RBFOX3: variants seen among roughly 807,000 people sequenced by gnomAD.
RBFOX3 encodes RNA binding fox-1 homolog 3.
Under a neutral mutation model 48.7 loss-of-function variants are expected in RBFOX3, and 17 were observed. The observed-to-expected ratio is 0.35, with a 90% CI of 0.24 to 0.52. RBFOX3 has a LOEUF of 0.52. Among genes scored for constraint, RBFOX3 ranks in the 20% least tolerant of loss-of-function variants. The pLI is 0.94. For missense variants in RBFOX3, 382 were observed against 497.5 expected, an observed-to-expected ratio of 0.77 and a Z score of 2.21; for synonymous variants, 212 against 209.5, an observed-to-expected ratio of 1.01 and a Z score of -0.10.
At chr17:79,555,307 GTAGTT>G (rs2091546950) in intron 1 of RBFOX3, among the ~76,000 whole-genome samples, 3 of 33,188 alleles carry the variant, frequency 9.0e-5, no homozygotes, top group Non-Finnish European at 6.8e-5. Context: ...GGTGATGATG[GTAGTT>G]GTGGTGGTGG....
In RBFOX3 at chr17:79,591,473, T is replaced by G. The variant is rs992960425; in HGVS notation, c.-320+19353A>C. 1.2e-3 allele frequency among the ~76,000 whole-genome samples: 181 copies of G among 152,292 alleles called. 3 individuals carry two copies. In the South Asian group the frequency reaches 0.019, roughly 16 times the overall value. On this transcript the variant is annotated intron_variant, in intron 1 of 14. Coordinates refer to ENST00000693108, the MANE Select transcript of RBFOX3 (RefSeq NM_001350451.2). The stretch of plus-strand genomic sequence containing the variant: ...CACCAGACTCCTTGGTACACATTTA[T>G]TGGGCACCTACTGTGTTCCAGGCAC...
chr17:79,513,671 T>A lies in RBFOX3; in HGVS notation c.-319-31073A>T, dbSNP rs1050267818. Among the ~76,000 whole-genome samples, 1,037 of 152,224 alleles carry A rather than the reference T, an allele frequency of 6.8e-3. 3 individuals are homozygous for A. The highest frequency in any genetic ancestry group is 8.9e-3 in the Non-Finnish European group (608 of 68,004). The stretch of plus-strand genomic sequence containing the variant: ...ACGTGGCCTCGGGCAGGCTGCATGA[T>A]CTCTCTGAGCTCCAGTGTCCTCCAC... On this transcript the variant is annotated intron_variant, in intron 1 of 14. Coordinates refer to ENST00000693108, the MANE Select transcript of RBFOX3 (RefSeq NM_001350451.2).
At chr17:79,437,061 A>T (rs562258475) in intron 2 of RBFOX3, among the ~76,000 whole-genome samples, 1 of 152,096 alleles carries the variant, frequency 6.6e-6, no homozygotes, top group African/African-American at 2.4e-5. Context: ...GGCCGCCCCG[A>T]TTCCCTTCTC....
chr17:79,211,229 T>C (rs2058340195), intron 4 of RBFOX3, among the ~76,000 whole-genome samples: 1 of 152,090 alleles, frequency 6.6e-6, no homozygotes, highest in Non-Finnish European at 1.5e-5. Flanking sequence ...GTCTGGTGGG[T>C]GGCTGTGGCT....
intron 2 of RBFOX3, among the ~76,000 whole-genome samples, chr17:79,342,895 G>A (rs1356579929): frequency 6.6e-6 from 1 of 151,960 alleles, no homozygotes; most frequent in Non-Finnish European, 1.5e-5. Flanking sequence ...TTAAAATGTG[G>A]ATTACTTTAC....
chr17:79,656,545 C>T, the RBFOX3 span, among the ~76,000 whole-genome samples: 105 of 151,046 alleles, frequency 7.0e-4, no homozygotes, highest in East Asian at 0.019. Flanking sequence ...ACGTGGGAGG[C>T]GGAGGTTGCA....
chr17:79,309,349 C>T (rs569359076), intron 2 of RBFOX3, among the ~76,000 whole-genome samples: 96 of 111,694 alleles, frequency 8.6e-4, no homozygotes, highest in Non-Finnish European at 1.8e-3. Context: ...TCCTCTCCCA[C>T]CCCGTGGCTC....
the RBFOX3 span, among the ~76,000 whole-genome samples, chr17:79,616,100 G>A: frequency 6.6e-6 from 1 of 152,288 alleles, no homozygotes; most frequent in South Asian, 2.1e-4. Context: ...GGTCTTTGAC[G>A]TTCTTGTGAG....
At chr17:79,388,041 T>C (rs993917618) in intron 2 of RBFOX3, among the ~76,000 whole-genome samples, 5 of 148,922 alleles carry the variant, frequency 3.4e-5, no homozygotes, top group Middle Eastern at 3.4e-3. Context: ...TGAACTTGTG[T>C]GCATGTACAT....
chr17:79,389,226 C>T (rs2148135447), intron 2 of RBFOX3, among the ~76,000 whole-genome samples: 1 of 152,360 alleles, frequency 6.6e-6, no homozygotes, highest in African/African-American at 2.4e-5. Context: ...GGGTCACTCA[C>T]CCCTTTGGTG....
chr17:79,287,933 C>T (rs954793207), intron 3 of RBFOX3, among the ~76,000 whole-genome samples: 2 of 152,162 alleles, frequency 1.3e-5, no homozygotes, highest in Admixed American at 6.5e-5. Flanking sequence ...TGCGGCTGTG[C>T]ATGGGACGCG....
Position 79,370,310 on chromosome 17 carries a change from C to G in RBFOX3, c.-174-62486G>C, listed in dbSNP as rs973736266. ...CCTCCCATTCCCAGCAGGGCCAGAG[C>G]CCCACCCAGTGCCTGAGCCCCACCC... On this transcript the variant is annotated intron_variant, in intron 2 of 14. Coordinates refer to ENST00000693108, the MANE Select transcript of RBFOX3 (RefSeq NM_001350451.2). Among the ~76,000 whole-genome samples, 12 of 152,202 alleles carry G rather than the reference C, an allele frequency of 7.9e-5. 1 individual carries two copies. Among genetic ancestry groups the G allele is most frequent in the Admixed American group, 7.2e-4 (11 of 15,278 alleles).
rs562514799 is a variant in RBFOX3 at position 79,452,237 on chromosome 17, T to C, written c.-175+30217A>G. ...GAGAGTGTAGGGGCTAGCTGGGAAC[T>C]GAACTTTTTAGAGAGTAAGACTGGG... On this transcript the variant is annotated intron_variant, in intron 2 of 14. Transcript: ENST00000693108. 2.6e-4 allele frequency among the ~76,000 whole-genome samples: 40 copies of C among 152,212 alleles called. No homozygotes were observed. In the East Asian group the frequency reaches 7.2e-3, roughly 27 times the overall value.
chr17:79,467,221 G>A (rs1436658135), intron 2 of RBFOX3, among the ~76,000 whole-genome samples: 3 of 152,062 alleles, frequency 2.0e-5, no homozygotes, highest in East Asian at 2.0e-4. Context: ...CAGCCACACC[G>A]TGCTGCTTCC....
At chr17:79,379,818 G>A (rs975193499) in intron 2 of RBFOX3, among the ~76,000 whole-genome samples, 1 of 152,074 alleles carries the variant, frequency 6.6e-6, no homozygotes, top group Admixed American at 6.5e-5. Context: ...TGCCATCCGG[G>A]TCCTCACATG....
chr17:79,607,711 G>A (rs2093866151), intron 1 of RBFOX3, among the ~76,000 whole-genome samples: 2 of 152,234 alleles, frequency 1.3e-5, no homozygotes, highest in South Asian at 2.1e-4. Flanking sequence ...GTATGAAGGC[G>A]CCTTAGGCCA....
At chr17:79,091,550 G>T (rs975315961) in intron 14 of RBFOX3, among the ~76,000 whole-genome samples, 6 of 152,206 alleles carry the variant, frequency 3.9e-5, no homozygotes, top group Non-Finnish European at 8.8e-5. Context: ...GGAGTGGCCC[G>T]CAGGCCACAG....
chr17:79,525,420 G>C (rs914660216), intron 1 of RBFOX3, among the ~76,000 whole-genome samples: 53 of 152,324 alleles, frequency 3.5e-4, no homozygotes, highest in African/African-American at 1.2e-3. Context: ...ATTACATGGA[G>C]TCACCAAGTT....
intron 2 of RBFOX3, among the ~76,000 whole-genome samples, chr17:79,373,080 A>C (rs2058770687): frequency 6.6e-6 from 1 of 152,160 alleles, no homozygotes; most frequent in Non-Finnish European, 1.5e-5. Flanking sequence ...GGTGGGGCAG[A>C]GGCCTGGCCT....
Sources: gnomAD v4.1 joint callset for allele counts (sites outside exome capture counted in the v4.1 genomes callset) on GRCh38, gnomAD v4.1.1 for gene constraint, MANE v1.5 for transcripts, NCBI Gene and HGNC (gene_info 2026-07-23, HGNC 2026-07-21) for gene names.